ROR2: variants seen among roughly 807,000 people sequenced by gnomAD.
The protein encoded by ROR2 is ROR family WNT receptor 2, also known as tyrosine-protein kinase transmembrane receptor ROR2.
A neutral mutation model predicts 74.9 loss-of-function variants in ROR2; 33 were observed. The ratio of observed to expected loss-of-function variants is 0.44; its 90% confidence interval spans 0.33 to 0.59. The LOEUF (loss-of-function observed/expected upper bound fraction) is 0.59. Ranked by LOEUF, ROR2 falls within the 20% of genes least tolerant of loss-of-function variation. ROR2 has a pLI of 0.02. For missense variants in ROR2, 1,216 were observed against 1,313.8 expected, an observed-to-expected ratio of 0.93 and a Z score of 1.15; for synonymous variants, 586 against 558.7, an observed-to-expected ratio of 1.05 and a Z score of -0.69.
At chr9:91,774,850 A>T (rs1826364678) in intron 2 of ROR2, among the ~76,000 whole-genome samples, 1 of 152,190 alleles carries the variant, frequency 6.6e-6, no homozygotes, top group Non-Finnish European at 1.5e-5. Flanking sequence ...AGATAAAACA[A>T]ATGTAAGTTT....
At chr9:91,816,017 C>T (rs1445877109) in intron 1 of ROR2, among the ~76,000 whole-genome samples, 2 of 152,310 alleles carry the variant, frequency 1.3e-5, no homozygotes, top group African/African-American at 4.8e-5. Context: ...TCTCCATAAA[C>T]GGTAAGCAGC....
chr9:91,827,272 T>G (rs1828326022), intron 1 of ROR2, among the ~76,000 whole-genome samples: 1 of 152,176 alleles, frequency 6.6e-6, no homozygotes. Flanking sequence ...TTTTCCCATA[T>G]CATTATAGAT....
intron 1 of ROR2, among the ~76,000 whole-genome samples, chr9:91,853,347 G>A (rs767303262): frequency 1.1e-3 from 172 of 152,200 alleles, no homozygotes; most frequent in Non-Finnish European, 8.8e-5. Flanking sequence ...TGAGGTGGAA[G>A]AAGGAGGGGA....
chr9:91,899,819 C>T (rs564616711), intron 1 of ROR2, among the ~76,000 whole-genome samples: 5 of 152,266 alleles, frequency 3.3e-5, no homozygotes, highest in South Asian at 4.1e-4. Flanking sequence ...CGTACGCACA[C>T]GTACACATAC....
chr9:91,723,936 G>C lies in ROR2; in HGVS notation c.2558C>G (p.Pro853Arg), dbSNP rs375769750. The change falls in exon 9 of 9, where the codon CCT (proline) becomes CGT (arginine). Residue 853 changes from proline to arginine, a missense_variant. Coordinates refer to ENST00000375708, the MANE Select transcript of ROR2 (RefSeq NM_004560.4). ...TGAGCTGGGCTTGGGGACCATCTGAGGAGGCACCTGCTGCGGGGCCATCTG... is the reference window on the plus strand; with the variant it reads ...TGAGCTGGGCTTGGGGACCATCTGACGAGGCACCTGCTGCGGGGCCATCTG... ...PMQMAPQQVP[P>R]QMVPKPSSHH... is the part of the protein sequence containing the mutation. 8.7e-6 allele frequency: 14 copies of C among 1,613,598 alleles called. No homozygotes were observed. Among genetic ancestry groups the C allele is most frequent in the Non-Finnish European group, 9.3e-6 (11 of 1,180,014 alleles).
chr9:91,922,134 CAACAAA>C (rs1831285796), intron 1 of ROR2, among the ~76,000 whole-genome samples: 1 of 148,488 alleles, frequency 6.7e-6, no homozygotes. Flanking sequence ...CAAACAACAA[CAACAAA>C]AACAGAAAAC....
intron 1 of ROR2, among the ~76,000 whole-genome samples, chr9:91,904,460 C>G (rs560242697): frequency 2.0e-5 from 3 of 152,308 alleles, no homozygotes; most frequent in South Asian, 4.1e-4. Context: ...GGGTAGGGAG[C>G]GGTAGGACCT....
In ROR2 at chr9:91,807,688, G is replaced by A. The variant is rs148816169; in HGVS notation, c.98-31870C>T. Among the ~76,000 whole-genome samples the A allele has an allele frequency of 2.8e-4, 43 of 152,222 alleles. No individual in the cohort carries two copies. In the East Asian group the frequency reaches 8.1e-3, roughly 29 times the overall value. On this transcript the variant is annotated intron_variant, in intron 1 of 8. Coordinates refer to ENST00000375708, the MANE Select transcript of ROR2 (RefSeq NM_004560.4). ...TCTAAAGTGGACTGGAGGACACCCA[G>A]CTGGCGTCCACTGCTTGTATGTGCA...
chr9:91,810,644 C>A (rs936783912), intron 1 of ROR2, among the ~76,000 whole-genome samples: 2 of 152,312 alleles, frequency 1.3e-5, no homozygotes, highest in East Asian at 1.9e-4. Flanking sequence ...GGACGCCTGT[C>A]CGGTCACTCT....
At chr9:91,795,076 C>A (rs1035573437) in intron 1 of ROR2, among the ~76,000 whole-genome samples, 2 of 151,596 alleles carry the variant, frequency 1.3e-5, no homozygotes, top group African/African-American at 4.8e-5. Context: ...CAAGACTGTG[C>A]CACTGCACTC....
At chr9:91,941,199 G>A (rs1018838614) in intron 1 of ROR2, among the ~76,000 whole-genome samples, 8 of 150,856 alleles carry the variant, frequency 5.3e-5, no homozygotes, top group South Asian at 2.1e-4. Flanking sequence ...GGGTTTCACC[G>A]TGTTAGCCAA....
At chr9:91,811,015 T>C (rs915601082) in intron 1 of ROR2, among the ~76,000 whole-genome samples, 1 of 152,246 alleles carries the variant, frequency 6.6e-6, no homozygotes, top group African/African-American at 2.4e-5. Flanking sequence ...CAGTTTCTCA[T>C]CAACAGAGCA....
intron 2 of ROR2, among the ~76,000 whole-genome samples, chr9:91,771,901 A>T (rs1464642369): frequency 1.3e-5 from 2 of 152,342 alleles, no homozygotes; most frequent in South Asian, 4.1e-4. Context: ...CCTGCCAGTG[A>T]TTTTGCAGAT....
At position 91,883,641 on chromosome 9, in the gene ROR2, C is replaced by A. The variant is rs1661054945; in HGVS notation, c.97+66226G>T. The stretch of plus-strand genomic sequence containing the variant: ...TATCATTGTAGAAAATTCTATTGGA[C>A]AGTGCTGCCCAACAGAATTTGATGG... On this transcript the variant is annotated intron_variant, in intron 1 of 8. Transcript: ENST00000375708. Among the ~76,000 whole-genome samples the A allele has an allele frequency of 2.6e-5, 4 of 152,288 alleles. No individual in the cohort carries two copies. In the South Asian group the frequency reaches 6.2e-4, roughly 24 times the overall value.
chr9:91,913,037 G>GA (rs1234476437), intron 1 of ROR2, among the ~76,000 whole-genome samples: 2 of 152,176 alleles, frequency 1.3e-5, no homozygotes, highest in Non-Finnish European at 2.9e-5. Flanking sequence ...GCTGAGGCAG[G>GA]AGAATCGCTT....
At chr9:91,931,987 G>A (rs1342474194) in intron 1 of ROR2, among the ~76,000 whole-genome samples, 1 of 152,000 alleles carries the variant, frequency 6.6e-6, no homozygotes, top group Admixed American at 6.6e-5. Context: ...AGAAAGCTAT[G>A]GTAATTAAAA....
chr9:91,868,019 G>A (rs529662334), intron 1 of ROR2, among the ~76,000 whole-genome samples: 1 of 152,128 alleles, frequency 6.6e-6, no homozygotes, highest in South Asian at 2.1e-4. Context: ...AAAGAACCAG[G>A]AAAATCTCAA....
intron 2 of ROR2, among the ~76,000 whole-genome samples, chr9:91,762,679 T>C (rs1298096929): frequency 6.6e-6 from 1 of 152,238 alleles, no homozygotes; most frequent in Non-Finnish European, 1.5e-5. Context: ...AATGCATATT[T>C]ATATTATTTT....
chr9:91,906,367 C>A (rs1386949957), intron 1 of ROR2, among the ~76,000 whole-genome samples: 1 of 152,196 alleles, frequency 6.6e-6, no homozygotes, highest in Non-Finnish European at 1.5e-5. Flanking sequence ...GGAAAGTCTG[C>A]GCATTTGAGG....
Sources: allele counts gnomAD v4.1 joint callset (sites outside exome capture counted in the v4.1 genomes callset), GRCh38; gene constraint gnomAD v4.1.1; transcripts MANE v1.5; gene names NCBI Gene and HGNC (gene_info 2026-07-23, HGNC 2026-07-21).